COL8A1: variants seen among roughly 807,000 people sequenced by gnomAD.
COL8A1 encodes the protein collagen alpha-1(VIII) chain.
A neutral mutation model predicts 42.7 loss-of-function variants in COL8A1; 21 were observed. That is an observed-to-expected ratio of 0.49 (90% CI 0.35 to 0.71). The LOEUF is 0.71. Ranked by LOEUF, COL8A1 falls within the 30% of genes least tolerant of loss-of-function variation. The pLI is 0.01. For synonymous variants in COL8A1, 367 were observed against 369.1 expected, an observed-to-expected ratio of 0.99 and a Z score of 0.06; for missense variants, 788 against 962.4, an observed-to-expected ratio of 0.82 and a Z score of 2.40.
At chr3:99,778,862 A>G (rs1941743277) in intron 2 of COL8A1, among the ~76,000 whole-genome samples, 2 of 152,196 alleles carry the variant, frequency 1.3e-5, no homozygotes. Flanking sequence ...CCATTTGACA[A>G]GCATTTCTCA....
intron 2 of COL8A1, among the ~76,000 whole-genome samples, chr3:99,753,958 G>A (rs1417165126): frequency 1.3e-5 from 2 of 152,152 alleles, no homozygotes; most frequent in African/African-American, 2.4e-5. Context: ...GACAGCTACT[G>A]GGAAGATAAC....
intron 1 of COL8A1, among the ~76,000 whole-genome samples, chr3:99,697,486 TA>T (rs1939413655): frequency 6.6e-6 from 1 of 152,330 alleles, no homozygotes; most frequent in East Asian, 1.9e-4. Flanking sequence ...CCAAATTGTT[TA>T]AAATGCTGGA....
intron 1 of COL8A1, among the ~76,000 whole-genome samples, chr3:99,741,827 A>G (rs1380886516): frequency 6.6e-6 from 1 of 152,206 alleles, no homozygotes; most frequent in Non-Finnish European, 1.5e-5. Flanking sequence ...ACTGTGCTCA[A>G]TTGGTCAGTT....
intron 1 of COL8A1, among the ~76,000 whole-genome samples, chr3:99,660,422 C>T (rs1314019593): frequency 6.6e-6 from 1 of 152,194 alleles, no homozygotes; most frequent in East Asian, 1.9e-4. Flanking sequence ...AGTGACATAA[C>T]TCCCACCAGA....
At chr3:99,667,188 A>G (rs1938392712) in intron 1 of COL8A1, among the ~76,000 whole-genome samples, 1 of 152,148 alleles carries the variant, frequency 6.6e-6, no homozygotes, top group South Asian at 2.1e-4. Context: ...TTCCTATCAA[A>G]TGAGCTCTGA....
At chr3:99,659,782 G>A (rs1467653981) in intron 1 of COL8A1, among the ~76,000 whole-genome samples, 1 of 151,956 alleles carries the variant, frequency 6.6e-6, no homozygotes, top group African/African-American at 2.4e-5. Flanking sequence ...ATAAACACTC[G>A]ATTTCTGTTT....
chr3:99,733,259 T>C (rs1279981784), intron 1 of COL8A1, among the ~76,000 whole-genome samples: 1 of 150,922 alleles, frequency 6.6e-6, no homozygotes, highest in Non-Finnish European at 1.5e-5. Context: ...TAACTCATCA[T>C]CTAGCATTAG....
intron 2 of COL8A1, among the ~76,000 whole-genome samples, chr3:99,774,987 T>G (rs1353525594): frequency 6.6e-6 from 1 of 152,144 alleles, no homozygotes; most frequent in East Asian, 1.9e-4. Context: ...GGAAAATGTA[T>G]AGAGGAAGAA....
At chr3:99,783,471 T>C (rs1029043843) in intron 2 of COL8A1, among the ~76,000 whole-genome samples, 16 of 152,236 alleles carry the variant, frequency 1.1e-4, no homozygotes, top group African/African-American at 3.6e-4. Context: ...CCAAAACCAG[T>C]AAATGTTCAT....
chr3:99,684,574 T>C (rs1165990417), intron 1 of COL8A1, among the ~76,000 whole-genome samples: 1 of 152,212 alleles, frequency 6.6e-6, no homozygotes, highest in East Asian at 1.9e-4. Flanking sequence ...TGTTCATCTT[T>C]TTCCTGCTGA....
chr3:99,792,272 T>C (rs915769914), intron 3 of COL8A1, among the ~76,000 whole-genome samples: 1 of 152,238 alleles, frequency 6.6e-6, no homozygotes, highest in Non-Finnish European at 1.5e-5. Flanking sequence ...TGGCACTTCT[T>C]GTACTTACTC....
intron 1 of COL8A1, among the ~76,000 whole-genome samples, chr3:99,715,392 A>T (rs78199727): frequency 0.086 from 13,012 of 152,136 alleles, 633 homozygotes; most frequent in Middle Eastern, 0.11. Context: ...CAGACCGTTC[A>T]GATGTGAGAA....
At chr3:99,756,658 G>C (rs1941259432) in intron 2 of COL8A1, among the ~76,000 whole-genome samples, 1 of 152,176 alleles carries the variant, frequency 6.6e-6, no homozygotes, top group Admixed American at 6.5e-5. Flanking sequence ...CTTGGTCTCT[G>C]AGCCAGTGGT....
chr3:99,754,755 T>C (rs1245298026), intron 2 of COL8A1, among the ~76,000 whole-genome samples: 1 of 152,170 alleles, frequency 6.6e-6, no homozygotes, highest in African/African-American at 2.4e-5. Context: ...ACCAGAGATC[T>C]TCTTGGATTT....
chr3:99,691,704 A>ATTT (rs1939225552), intron 1 of COL8A1: 21 of 102,538 alleles, frequency 2.0e-4, no homozygotes, highest in Non-Finnish European at 3.4e-4. Context: ...TTTTTTTTTA[A>ATTT]AAAAAAAAAA....
intron 1 of COL8A1, among the ~76,000 whole-genome samples, chr3:99,721,340 A>C (rs1197010409): frequency 1.4e-5 from 2 of 147,526 alleles, no homozygotes; most frequent in Non-Finnish European, 3.0e-5. Context: ...CCTGTTTTGC[A>C]CTCAGTGGCA....
In COL8A1 at chr3:99,773,815, GTATA is replaced by G. The variant is rs1553682062; in HGVS notation, c.-3-16845_-3-16842del. Among the ~76,000 whole-genome samples the G allele has an allele frequency of 2.4e-3, 85 of 35,912 alleles. 2 individuals carry two copies. Among genetic ancestry groups the G allele is most frequent in the Middle Eastern group, 0.033 (1 of 30 alleles). 23.6% of individuals were successfully genotyped at this position (35,912 alleles called of 152,430 possible). A position where few individuals can be genotyped will look rare whatever the true frequency, so the allele number is the denominator to read the frequency against. On this transcript the variant is annotated intron_variant, in intron 2 of 3. Coordinates refer to ENST00000652472, the MANE Select transcript of COL8A1 (RefSeq NM_020351.4). ...TAAGTAGATGATTATATATATGTGT[GTATA>G]TATATATATATATATATATTTTTTT...
intron 2 of COL8A1, among the ~76,000 whole-genome samples, chr3:99,770,274 C>T (rs1286831199): frequency 6.6e-6 from 1 of 152,154 alleles, no homozygotes; most frequent in African/African-American, 2.4e-5. Flanking sequence ...AGGCTCATTT[C>T]AGGAGAGAAA....
At chr3:99,733,794 A>G (rs1034396368) in intron 1 of COL8A1, among the ~76,000 whole-genome samples, 1 of 151,630 alleles carries the variant, frequency 6.6e-6, no homozygotes, top group Non-Finnish European at 1.5e-5. Flanking sequence ...ATTTCTCCAC[A>G]TCCTCTCCAG....
Sources: gnomAD v4.1 joint callset for allele counts (sites outside exome capture counted in the v4.1 genomes callset) on GRCh38, gnomAD v4.1.1 for gene constraint, MANE v1.5 for transcripts, NCBI Gene and HGNC (gene_info 2026-07-23, HGNC 2026-07-21) for gene names.